TNPO1: variants seen among roughly 807,000 people sequenced by gnomAD.
TNPO1 encodes transportin-1.
Under a neutral mutation model 119.5 loss-of-function variants are expected in TNPO1, and 8 were observed. The observed-to-expected ratio is 0.07, with a 90% CI of 0.04 to 0.12. The LOEUF (loss-of-function observed/expected upper bound fraction) is 0.12. Among genes scored for constraint, TNPO1 ranks in the 10% least tolerant of loss-of-function variants. The pLI is 1.00. For synonymous variants in TNPO1, 362 were observed against 363.0 expected (o/e 1.00, Z 0.03); for missense variants, 576 against 1,089.8 (o/e 0.53, Z 6.64).
At chr5:72,877,573 T>A (rs1265463040) in intron 9 of TNPO1, among the ~76,000 whole-genome samples, 3 of 152,208 alleles carry the variant, frequency 2.0e-5, no homozygotes, top group Non-Finnish European at 2.9e-5. Flanking sequence ...TTCGGATAAT[T>A]TACAGCACAG....
At chr5:72,905,995 A>G (rs912820150) in intron 24 of TNPO1, among the ~76,000 whole-genome samples, 1 of 152,224 alleles carries the variant, frequency 6.6e-6, no homozygotes, top group African/African-American at 2.4e-5. Context: ...TTTGAATCGT[A>G]GGTATAAAGA....
At chr5:72,851,625 G>A (rs146233153) in intron 3 of TNPO1, among the ~76,000 whole-genome samples, 1 of 152,076 alleles carries the variant, frequency 6.6e-6, no homozygotes, top group African/African-American at 2.4e-5. Flanking sequence ...CCTAGTAGCC[G>A]GGATTACAGG....
rs1749204115 is a variant in TNPO1, at chr5:72,893,364, T to C, written c.1897-13T>C. The C allele has an allele frequency of 6.2e-7, 1 of 1,610,270 alleles. No individual in the cohort carries two copies. The highest frequency in any genetic ancestry group is 8.5e-7 in the Non-Finnish European group (1 of 1,178,842). ...AAAACCAAACTTACAAAAAACATTG[T>C]GTCTAATTTCAGCTAAACAATGCTC... On this transcript the variant is annotated splice_polypyrimidine_tract_variant and intron_variant, in intron 16 of 24. Transcript: ENST00000337273.
At chr5:72,861,759 C>G (rs1374148721) in intron 4 of TNPO1, 49 bp from the exon 5 acceptor site, 1 of 1,329,090 alleles carries the variant, frequency 7.5e-7, no homozygotes, top group Non-Finnish European at 1.1e-6. Context: ...CATGGCAATG[C>G]CTGACATAAT....
intron 1 of TNPO1, among the ~76,000 whole-genome samples, chr5:72,843,961 A>G (rs1155043): frequency 0.48 from 73,175 of 152,026 alleles, 18,711 homozygotes; most frequent in Admixed American, 0.61. Flanking sequence ...AAAACAAACT[A>G]TATTTTACTT....
At chr5:72,882,669 A>C (rs1748333151) in intron 10 of TNPO1, 142 bp downstream of exon 10, 1 of 572,032 alleles carries the variant, frequency 1.7e-6, no homozygotes, top group African/African-American at 1.9e-5. Context: ...TAGAAGCATA[A>C]GTTTAAGTAA....
At chr5:72,873,450 A>G (rs929724247) in intron 7 of TNPO1, among the ~76,000 whole-genome samples, 1 of 152,078 alleles carries the variant, frequency 6.6e-6, no homozygotes, top group African/African-American at 2.4e-5. Context: ...TTTTCTCGTC[A>G]CTTAAATTGA....
chr5:72,903,690 T>A lies in TNPO1; in HGVS notation c.2515-19T>A. 1 of 1,560,858 alleles carries A rather than the reference T, an allele frequency of 6.4e-7. No homozygotes were observed. Among genetic ancestry groups the A allele is most frequent in the Non-Finnish European group, 8.8e-7 (1 of 1,138,788 alleles). On this transcript the variant is annotated intron_variant, in intron 22 of 24. Coordinates refer to ENST00000337273, the MANE Select transcript of TNPO1 (RefSeq NM_002270.4). ...ACAAATACAATATCAACCTAAGATG[T>A]ATTTCTTGCTTGTTACAGGATTTTA...
intron 1 of TNPO1, among the ~76,000 whole-genome samples, chr5:72,843,877 T>C (rs554242712): frequency 2.6e-5 from 4 of 152,330 alleles, no homozygotes; most frequent in African/African-American, 7.2e-5. Flanking sequence ...TCTTTTCCTA[T>C]TGTACTTTAC....
In TNPO1 at chr5:72,901,126, G is replaced by C. The variant is rs1391941886; in HGVS notation, c.2514+53G>C. 1.3e-5 allele frequency: 15 copies of C among 1,186,734 alleles called. No individual in the cohort carries two copies. In the Admixed American group the frequency reaches 3.3e-4, roughly 26 times the overall value. The allele number at this position is 1,186,734 out of a possible 1,614,324, so 73.5% of individuals were successfully genotyped here. On this transcript the variant is annotated intron_variant, in intron 22 of 24. Transcript: ENST00000337273. ...AATGTCTAATTAATAAAATTTTAAA[G>C]GAAGAAACATTCTAATACTTTAATT... is the stretch of plus-strand genomic sequence containing the variant.
intron 6 of TNPO1, among the ~76,000 whole-genome samples, chr5:72,867,001 C>T (rs1389441918): frequency 6.6e-6 from 1 of 151,820 alleles, no homozygotes; most frequent in East Asian, 1.9e-4. Flanking sequence ...ATAGCAAGAC[C>T]CTTTCTCTAC....
chr5:72,897,787 CAG>C (rs1749540561), intron 20 of TNPO1, among the ~76,000 whole-genome samples: 2 of 152,006 alleles, frequency 1.3e-5, no homozygotes, highest in South Asian at 2.1e-4. Flanking sequence ...TCCAGAAAGA[CAG>C]AAATTTTGTT....
At position 72,881,592 on chromosome 5, in the gene TNPO1, A is replaced by G. The variant is rs986070572; in HGVS notation, c.921-875A>G. Reference sequence around the variant, plus strand: ...GCAAGTGGTCTCTTCACAATCTGCTAATTCATGTTCCAGATCAGCTTTTAT... The same window carrying G: ...GCAAGTGGTCTCTTCACAATCTGCTGATTCATGTTCCAGATCAGCTTTTAT... On this transcript the variant is annotated intron_variant, in intron 9 of 24. Coordinates refer to ENST00000337273, the MANE Select transcript of TNPO1 (RefSeq NM_002270.4). Among the ~76,000 whole-genome samples the G allele has an allele frequency of 5.9e-5, 9 of 152,316 alleles. No homozygotes were observed. The East Asian group carries it at 1.3e-3, about 23-fold the overall frequency.
chr5:72,900,749 G>T, intron 21 of TNPO1: 1 of 329,368 alleles, frequency 3.0e-6, no homozygotes, highest in Non-Finnish European at 5.6e-6. Context: ...CTTTATAAAT[G>T]CAATTTATTA....
At chr5:72,895,483 C>T (rs1749364295) in intron 18 of TNPO1, among the ~76,000 whole-genome samples, 1 of 151,654 alleles carries the variant, frequency 6.6e-6, no homozygotes, top group African/African-American at 2.4e-5. Flanking sequence ...TGGAGAGGTG[C>T]CATTGATGTC....
intron 4 of TNPO1, among the ~76,000 whole-genome samples, chr5:72,859,811 G>A (rs1374754871): frequency 2.6e-5 from 4 of 152,182 alleles, no homozygotes; most frequent in Admixed American, 6.5e-5. Flanking sequence ...TTTAATAGGT[G>A]TTGCCAAGCA....
chr5:72,861,273 TCTTATA>T (rs1746425643), intron 4 of TNPO1, among the ~76,000 whole-genome samples: 1 of 152,170 alleles, frequency 6.6e-6, no homozygotes. Flanking sequence ...GAAGTTGCAT[TCTTATA>T]CTTGGTAAAT....
rs1388908401 is a variant in TNPO1, at chr5:72,893,229, A to G, written c.1879A>G (p.Thr627Ala). The change falls in exon 16 of 25, where the codon ACT becomes GCT. Residue 627 changes from threonine (T) to alanine (A), a missense_variant. Coordinates refer to ENST00000337273, the MANE Select transcript of TNPO1 (RefSeq NM_002270.4). Reference protein sequence around the residue: ...YQRCVNLVQKTLAQAMLNNAQ... With the variant: ...YQRCVNLVQKALAQAMLNNAQ... ...GCGTTGTGTAAACCTAGTACAGAAG[A>G]CTCTTGCACAAGCCATGGTAATTTT... is the stretch of plus-strand genomic sequence containing the variant. 5 of 1,612,452 alleles carry G rather than the reference A, an allele frequency of 3.1e-6. No individual in the cohort carries two copies. The Admixed American group carries it at 6.7e-5, about 22-fold the overall frequency.
chr5:72,862,828 A>G (rs1380923138), intron 5 of TNPO1, among the ~76,000 whole-genome samples: 4 of 151,928 alleles, frequency 2.6e-5, no homozygotes, highest in Non-Finnish European at 4.4e-5. Flanking sequence ...TTGTATTTTT[A>G]GTAGAGACAG....
Sources: allele counts gnomAD v4.1 joint callset (sites outside exome capture counted in the v4.1 genomes callset), GRCh38; gene constraint gnomAD v4.1.1; transcripts MANE v1.5; gene names NCBI Gene and HGNC (gene_info 2026-07-23, HGNC 2026-07-21).